GLIS3: variants seen among roughly 807,000 people sequenced by gnomAD.
The protein encoded by GLIS3 is zinc finger protein GLIS3.
GLIS3 carries 53 observed loss-of-function variants against 78.6 expected under a neutral mutation model. The observed-to-expected ratio is 0.67, with a 90% CI of 0.54 to 0.85. The LOEUF (loss-of-function observed/expected upper bound fraction) is 0.85, where lower values mean the gene tolerates loss of function less well. Ranked by LOEUF, GLIS3 falls within the 40% of genes least tolerant of loss-of-function variation. The pLI, the probability that GLIS3 is intolerant of heterozygous loss-of-function variation, is 0.00. For synonymous variants in GLIS3, 684 were observed against 509.9 expected, an observed-to-expected ratio of 1.34 and a Z score of -4.60; for missense variants, 1,703 against 1,231.1, an observed-to-expected ratio of 1.38 and a Z score of -5.74.
At chr9:3,835,757 T>A (rs745853964) in intron 9 of GLIS3, among the ~76,000 whole-genome samples, 26 of 152,378 alleles carry the variant, frequency 1.7e-4, no homozygotes, top group Middle Eastern at 3.4e-3. Context: ...TAACTGTTAC[T>A]TTTACTTTTT....
Position 3,856,002 on chromosome 9 carries a change from T to G in GLIS3, c.2473+7A>C. 6.2e-7 allele frequency: 1 copy of G among 1,614,148 alleles called. No homozygotes were observed. Among genetic ancestry groups the G allele is most frequent in the Non-Finnish European group, 8.5e-7 (1 of 1,179,976 alleles). On this transcript the variant is annotated splice_region_variant and intron_variant, in intron 9 of 10. Coordinates refer to ENST00000381971, the MANE Select transcript of GLIS3 (RefSeq NM_001042413.2). ...AAAACTCAAGGGACTGCCAGCTTCTTGCTTACCATGGACATGGATACCATT... is the reference window on the plus strand; with the variant it reads ...AAAACTCAAGGGACTGCCAGCTTCTGGCTTACCATGGACATGGATACCATT...
the GLIS3 span, among the ~76,000 whole-genome samples, chr9:4,390,428 C>G: frequency 3.3e-5 from 5 of 151,196 alleles, no homozygotes; most frequent in South Asian, 1.0e-3. Flanking sequence ...TGCATTGGAG[C>G]ATTCATATCT....
intron 2 of GLIS3, among the ~76,000 whole-genome samples, chr9:4,261,429 G>A (rs996337361): frequency 6.6e-6 from 1 of 152,292 alleles, no homozygotes; most frequent in Non-Finnish European, 1.5e-5. Context: ...AAGGGATGGT[G>A]AAAGTATGAA....
At chr9:3,985,184 G>A (rs919744383) in intron 4 of GLIS3, among the ~76,000 whole-genome samples, 1 of 151,598 alleles carries the variant, frequency 6.6e-6, no homozygotes, top group African/African-American at 2.4e-5. Flanking sequence ...TTGCTCTGTT[G>A]TCCAGGCTGG....
chr9:4,242,464 C>T (rs911491), intron 2 of GLIS3, among the ~76,000 whole-genome samples: 81,848 of 151,950 alleles, frequency 0.54, 26,338 homozygotes, highest in South Asian at 0.78. Flanking sequence ...ACCACAGTGG[C>T]ATTCCAAAGC....
chr9:4,270,434 G>A (rs922994589), intron 2 of GLIS3, among the ~76,000 whole-genome samples: 1 of 152,110 alleles, frequency 6.6e-6, no homozygotes, highest in African/African-American at 2.4e-5. Context: ...CTGCTTCAGG[G>A]TCTCCCTAGG....
intron 2 of GLIS3, among the ~76,000 whole-genome samples, chr9:4,258,044 T>G (rs1825148362): frequency 6.6e-6 from 1 of 152,172 alleles, no homozygotes; most frequent in Non-Finnish European, 1.5e-5. Flanking sequence ...ATAATGAACT[T>G]CATTTGCTAA....
chr9:4,380,640 A>AG, the GLIS3 span, among the ~76,000 whole-genome samples: 54 of 152,252 alleles, frequency 3.5e-4, no homozygotes, highest in African/African-American at 1.3e-3. Flanking sequence ...CTGGATATTT[A>AG]GCAAGCTACC....
chr9:4,099,092 A>G (rs1304722538), intron 4 of GLIS3, among the ~76,000 whole-genome samples: 1 of 152,236 alleles, frequency 6.6e-6, no homozygotes, highest in African/African-American at 2.4e-5. Flanking sequence ...GATGGCAAGA[A>G]GGAATAAGAG....
At chr9:3,856,579 A>ATT (rs1245627341) in intron 8 of GLIS3, among the ~76,000 whole-genome samples, 1 of 152,208 alleles carries the variant, frequency 6.6e-6, no homozygotes, top group Non-Finnish European at 1.5e-5. Context: ...TTTCTGAATC[A>ATT]TTTACACTTA....
rs989221699 is a variant in GLIS3 at position 4,321,699 on chromosome 9, G to A, written n.265-11171C>T. Among the ~76,000 whole-genome samples, 3 of 140,764 alleles carry A rather than the reference G, an allele frequency of 2.1e-5. No individual in the cohort carries two copies. The South Asian group carries it at 6.5e-4, about 30-fold the overall frequency. The allele number at this position is 140,764 out of a possible 152,430, so 92.3% of individuals were successfully genotyped here. A position where few individuals can be genotyped will look rare whatever the true frequency, so the allele number is the denominator to read the frequency against. ...AAGGTAACTACCATCTCTGCATTTT[G>A]TGTTTATTTTTATTGGCAGTTTTGT... is the stretch of plus-strand genomic sequence containing the variant. On this transcript the variant is annotated intron_variant and non_coding_transcript_variant, in intron 2 of 4. Coordinates refer to the GLIS3 transcript ENST00000471664.
chr9:4,194,120 C>A (rs760086750), intron 2 of GLIS3, among the ~76,000 whole-genome samples: 4 of 152,078 alleles, frequency 2.6e-5, no homozygotes, highest in Non-Finnish European at 5.9e-5. Flanking sequence ...TGCAGTGGTG[C>A]GATCTCGGCT....
At chr9:4,264,275 C>G (rs1825786411) in intron 2 of GLIS3, among the ~76,000 whole-genome samples, 1 of 152,112 alleles carries the variant, frequency 6.6e-6, no homozygotes, top group South Asian at 2.1e-4. Context: ...TTGGCTCTAC[C>G]TTCAAAACCT....
At chr9:4,277,727 C>T (rs1328972869) in intron 2 of GLIS3, among the ~76,000 whole-genome samples, 2 of 152,164 alleles carry the variant, frequency 1.3e-5, no homozygotes, top group African/African-American at 4.8e-5. Context: ...TATATTCCTC[C>T]GGGTACTACA....
chr9:4,361,397 C>T, the GLIS3 span, among the ~76,000 whole-genome samples: 2 of 152,222 alleles, frequency 1.3e-5, no homozygotes, highest in South Asian at 4.1e-4. Context: ...ACCAATCTTG[C>T]TTCTCTTACT....
chr9:3,913,422 G>A (rs1443984023), intron 6 of GLIS3, among the ~76,000 whole-genome samples: 1 of 152,140 alleles, frequency 6.6e-6, no homozygotes, highest in Non-Finnish European at 1.5e-5. Flanking sequence ...CAAATTCATG[G>A]GCTTTAACAT....
the GLIS3 span, among the ~76,000 whole-genome samples, chr9:4,419,515 T>A: frequency 6.6e-6 from 1 of 151,994 alleles, no homozygotes; most frequent in African/African-American, 2.4e-5. Flanking sequence ...TCTGGCCAGG[T>A]GCGGTGGCTC....
At position 4,125,871 on chromosome 9, in the gene GLIS3, G is replaced by C; in HGVS notation, c.459C>G (p.Ser153Arg). 6.2e-7 allele frequency: 1 copy of C among 1,614,026 alleles called. No individual in the cohort carries two copies. Among genetic ancestry groups the C allele is most frequent in the Non-Finnish European group, 8.5e-7 (1 of 1,179,944 alleles). ...KGSCNNLVVT[S>R]SPMMVQRLGL... Reference sequence around the variant, plus strand: ...CCAGTCGCTGAACCATCATGGGACTGCTGGTGACCACTAGATTGTTGCAGC... The same window carrying C: ...CCAGTCGCTGAACCATCATGGGACTCCTGGTGACCACTAGATTGTTGCAGC... Residue 153 changes from serine to arginine, a missense_variant, in exon 3 of 11, where the codon AGC becomes AGG. Physicochemically the swap from Ser to Arg is moderately radical, Grantham distance 110. Transcript: ENST00000381971.
At chr9:4,051,084 C>G (rs865813141) in intron 4 of GLIS3, among the ~76,000 whole-genome samples, 17 of 152,294 alleles carry the variant, frequency 1.1e-4, no homozygotes, top group Non-Finnish European at 1.9e-4. Context: ...TTGATAAGCT[C>G]CCGTGAGGCC....
Sources: gnomAD v4.1 joint callset for allele counts (sites outside exome capture counted in the v4.1 genomes callset) on GRCh38, gnomAD v4.1.1 for gene constraint, MANE v1.5 for transcripts, NCBI Gene and HGNC (gene_info 2026-07-23, HGNC 2026-07-21) for gene names.